The following COL21A1 variants were observed in gnomAD, a reference collection of about 807,000 sequenced individuals.
COL21A1 encodes collagen type XXI alpha 1 chain, also known as collagen alpha-1(XXI) chain.
COL21A1 carries 149 observed loss-of-function variants against 137.9 expected under a neutral mutation model. The observed-to-expected ratio is 1.08, with a 90% CI of 0.95 to 1.24. The LOEUF is 1.24. Among genes scored for constraint, COL21A1 ranks in the 50% most tolerant of loss-of-function variants. COL21A1 has a pLI of 0.00. For synonymous variants in COL21A1, 456 were observed against 391.5 expected (o/e 1.16, Z -1.95); for missense variants, 1,167 against 1,158.4 (o/e 1.01, Z -0.11).
intron 1 of COL21A1, among the ~76,000 whole-genome samples, chr6:56,261,359 T>C (rs1268985384): frequency 1.3e-5 from 2 of 152,226 alleles, no homozygotes; most frequent in African/African-American, 2.4e-5. Context: ...GCTGAATGTT[T>C]GTATCCCTCC....
intron 1 of COL21A1, among the ~76,000 whole-genome samples, chr6:56,308,395 A>G (rs1399379535): frequency 6.6e-6 from 1 of 152,218 alleles, no homozygotes; most frequent in Non-Finnish European, 1.5e-5. Context: ...TCAGCCTGTG[A>G]TATTTTTGTT....
intron 12 of COL21A1, among the ~76,000 whole-genome samples, chr6:56,131,777 C>T (rs577726287): frequency 1.3e-5 from 2 of 152,116 alleles, no homozygotes; most frequent in African/African-American, 2.4e-5. Context: ...CACACACACA[C>T]GTATACATAT....
chr6:56,075,599 G>T, intron 18 of COL21A1, 67 bp from the exon 19 acceptor site: 1 of 1,151,562 alleles, frequency 8.7e-7, no homozygotes, highest in Non-Finnish European at 1.2e-6. Context: ...GAAAGCTTCT[G>T]CCAAAGCACA....
intron 1 of COL21A1, among the ~76,000 whole-genome samples, chr6:56,385,910 T>G (rs1252757786): frequency 1.3e-5 from 2 of 152,112 alleles, no homozygotes; most frequent in African/African-American, 2.4e-5. Flanking sequence ...TCCTTTTTTT[T>G]TTTTTTGAAA....
At position 56,272,387 on chromosome 6, in the gene COL21A1, C is replaced by T. The variant is rs12663946; in HGVS notation, c.-38-89731G>A. Among the ~76,000 whole-genome samples the T allele has an allele frequency of 1.6e-3, 235 of 147,108 alleles. 1 individual carries two copies. Among genetic ancestry groups the T allele is most frequent in the East Asian group, 0.015 (77 of 5,064 alleles). On this transcript the variant is annotated intron_variant, in intron 1 of 28. Coordinates refer to the COL21A1 transcript ENST00000370819. The stretch of plus-strand genomic sequence containing the variant: ...TGGAAACATTTACCCAATGCCTGCA[C>T]CCCCATTGTATCTTGGGAGTTAACT...
chr6:56,235,345 C>CA lies in COL21A1; in HGVS notation c.-39+12041dup, dbSNP rs1392751844. Among the ~76,000 whole-genome samples the CA allele has an allele frequency of 4.0e-5, 6 of 151,888 alleles. 1 individual carries two copies. The South Asian group carries it at 1.2e-3, about 31-fold the overall frequency. On this transcript the variant is annotated intron_variant, in intron 1 of 29. Transcript: ENST00000244728. ...GGTTGCTGTACAGATTGTGTATGCACATTTGTTTTGACTGGATCTGAACCC... is the reference window on the plus strand; with the variant it reads ...GGTTGCTGTACAGATTGTGTATGCACAATTTGTTTTGACTGGATCTGAACCC...
intron 1 of COL21A1, among the ~76,000 whole-genome samples, chr6:56,278,357 G>C (rs1446518084): frequency 6.6e-6 from 1 of 152,138 alleles, no homozygotes; most frequent in African/African-American, 2.4e-5. Flanking sequence ...AGCCAGAAGG[G>C]AGCAAAAGGT....
chr6:56,237,497 T>A (rs1382796461), intron 1 of COL21A1, among the ~76,000 whole-genome samples: 1 of 152,144 alleles, frequency 6.6e-6, no homozygotes, highest in East Asian at 1.9e-4. Flanking sequence ...TGTAAAAATA[T>A]AATTGCTTCT....
At chr6:56,204,773 C>T (rs1779650457) in intron 1 of COL21A1, among the ~76,000 whole-genome samples, 1 of 152,152 alleles carries the variant, frequency 6.6e-6, no homozygotes. Flanking sequence ...ATGAAACTTC[C>T]AGAGGAAGGA....
At chr6:56,306,635 AT>A (rs572526398) in intron 1 of COL21A1, among the ~76,000 whole-genome samples, 4 of 151,692 alleles carry the variant, frequency 2.6e-5, no homozygotes, top group Non-Finnish European at 5.9e-5. Context: ...CATTTATCTA[AT>A]TTTTTTTCAA....
rs1238378303 is a variant in COL21A1, at chr6:56,353,769, G to GAAAAAC, written c.-39+40196_-39+40201dup. On this transcript the variant is annotated intron_variant, in intron 1 of 28. Coordinates refer to the COL21A1 transcript ENST00000370819. Reference sequence around the variant, plus strand: ...AAAAGACAAAGACCAAAATCATCAGGAAAAACAAAAACAAAAAGGACAAAC... The same window carrying GAAAAAC: ...AAAAGACAAAGACCAAAATCATCAGGAAAAACAAAAACAAAAACAAAAAGGACAAAC... Among the ~76,000 whole-genome samples, 3 of 151,710 alleles carry GAAAAAC rather than the reference G, an allele frequency of 2.0e-5. No individual in the cohort carries two copies. The East Asian group carries it at 5.8e-4, about 29-fold the overall frequency.
intron 13 of COL21A1, 55 bp downstream of exon 13, chr6:56,126,041 A>G (rs1773028053): frequency 9.7e-7 from 1 of 1,034,500 alleles, no homozygotes; most frequent in Non-Finnish European, 1.4e-6. Flanking sequence ...AAAGTACTTT[A>G]TATTTGAATT....
At chr6:56,329,022 T>TG (rs1765163142) in intron 1 of COL21A1, among the ~76,000 whole-genome samples, 1 of 152,096 alleles carries the variant, frequency 6.6e-6, no homozygotes, top group Non-Finnish European at 1.5e-5. Flanking sequence ...AATCCCAACT[T>TG]GGCACACGGG....
rs1167909019 is a variant in COL21A1 at position 56,325,311 on chromosome 6, TATATTA to T, written c.-39+68654_-39+68659del. 3.6e-3 allele frequency among the ~76,000 whole-genome samples: 4 copies of T among 1,122 alleles called. 1 individual carries two copies. The highest frequency in any genetic ancestry group is 3.7e-3 in the African/African-American group (4 of 1,076). The allele number at this position is 1,122 out of a possible 152,430, so 0.7% of individuals were successfully genotyped here. A position where few individuals can be genotyped will look rare whatever the true frequency, so the allele number is the denominator to read the frequency against. ...ATATTACATTATATATTATAATATA[TATATTA>T]TATATTATATATATTATATATTATA... On this transcript the variant is annotated intron_variant, in intron 1 of 28. Transcript: ENST00000370819.
chr6:56,141,697 C>G (rs551217364), intron 12 of COL21A1, 88 bp downstream of exon 12: 12 of 1,378,308 alleles, frequency 8.7e-6, no homozygotes, highest in Admixed American at 5.2e-5. Flanking sequence ...TTCACCAAGA[C>G]GCAGACTATT....
At chr6:56,302,269 G>A (rs1430104058) in intron 1 of COL21A1, among the ~76,000 whole-genome samples, 2 of 151,956 alleles carry the variant, frequency 1.3e-5, no homozygotes, top group African/African-American at 4.8e-5. Context: ...GGGTCAAATG[G>A]TATTTCTAGT....
At chr6:56,067,248 G>C (rs1328293872) in intron 23 of COL21A1, 47 bp downstream of exon 23, 3 of 1,472,792 alleles carry the variant, frequency 2.0e-6, no homozygotes, top group African/African-American at 2.8e-5. Flanking sequence ...CTTTTTAAAA[G>C]CTCTGATTTT....
chr6:56,137,075 G>A (rs191328878), intron 12 of COL21A1, among the ~76,000 whole-genome samples: 4 of 152,140 alleles, frequency 2.6e-5, no homozygotes, highest in Non-Finnish European at 4.4e-5. Flanking sequence ...TTGGGATCAA[G>A]GTATTTTATT....
Position 56,124,394 on chromosome 6 carries a change from A to G in COL21A1, c.1651-102T>C, listed in dbSNP as rs1408495572. On this transcript the variant is annotated intron_variant, in intron 14 of 29. Transcript: ENST00000244728. ...AGCTACTAAGTTAACATCATTATGTAGTAAAAACTCATGGAACTACAACTC... is the reference window on the plus strand; with the variant it reads ...AGCTACTAAGTTAACATCATTATGTGGTAAAAACTCATGGAACTACAACTC... 6.5e-5 allele frequency: 72 copies of G among 1,104,900 alleles called. 1 individual carries two copies. The South Asian group carries it at 8.0e-4, about 12-fold the overall frequency. The allele number at this position is 1,104,900 out of a possible 1,614,324, so 68.4% of individuals were successfully genotyped here. A position where few individuals can be genotyped will look rare whatever the true frequency, so the allele number is the denominator to read the frequency against.
Sources: gnomAD v4.1 joint callset for allele counts (sites outside exome capture counted in the v4.1 genomes callset) on GRCh38, gnomAD v4.1.1 for gene constraint, MANE v1.5 for transcripts, NCBI Gene and HGNC (gene_info 2026-07-23, HGNC 2026-07-21) for gene names.